PRKG1: variants seen among roughly 807,000 people sequenced by gnomAD.
The protein encoded by PRKG1 is cGMP-dependent protein kinase 1.
PRKG1 carries 35 observed loss-of-function variants against 88.1 expected under a neutral mutation model. The observed-to-expected ratio is 0.40, with a 90% CI of 0.30 to 0.53. The LOEUF (loss-of-function observed/expected upper bound fraction) is 0.53. Ranked by LOEUF, PRKG1 falls within the 20% of genes least tolerant of loss-of-function variation. The probability of loss-of-function intolerance (pLI) is 0.59; values close to 1 mark genes in which losing one functional copy is unlikely to be tolerated. For synonymous variants in PRKG1, 303 were observed against 292.5 expected (o/e 1.04, Z -0.37); for missense variants, 540 against 839.8 (o/e 0.64, Z 4.41).
intron 3 of PRKG1, among the ~76,000 whole-genome samples, chr10:51,768,935 A>G (rs1054911536): frequency 6.6e-6 from 1 of 152,186 alleles, no homozygotes; most frequent in African/African-American, 2.4e-5. Context: ...CATACTTTAA[A>G]TTAATTTTGG....
intron 4 of PRKG1, among the ~76,000 whole-genome samples, chr10:51,836,017 A>G (rs1483417631): frequency 1.3e-5 from 2 of 152,108 alleles, no homozygotes; most frequent in Non-Finnish European, 2.9e-5. Flanking sequence ...AACTGTTGCC[A>G]CTTGTATATT....
chr10:52,102,536 T>C (rs113412705), intron 7 of PRKG1, among the ~76,000 whole-genome samples: 75 of 145,376 alleles, frequency 5.2e-4, no homozygotes, highest in African/African-American at 1.3e-3. Context: ...CATGAATTCA[T>C]AGGATCTGTG....
chr10:51,578,890 T>C (rs959394737), intron 3 of PRKG1, among the ~76,000 whole-genome samples: 1 of 151,728 alleles, frequency 6.6e-6, no homozygotes, highest in African/African-American at 2.4e-5. Flanking sequence ...CATATTTAAA[T>C]CAGTTTTGTG....
chr10:51,756,137 G>A lies in PRKG1; in HGVS notation c.593-48448G>A, dbSNP rs118119261. Among the ~76,000 whole-genome samples the A allele has an allele frequency of 1.2e-4, 18 of 152,162 alleles. No individual in the cohort carries two copies. In the East Asian group the frequency reaches 3.5e-3, roughly 29 times the overall value. On this transcript the variant is annotated intron_variant, in intron 3 of 17. Transcript: ENST00000373980. The stretch of plus-strand genomic sequence containing the variant: ...AAGGAAAGTAGAAAGTATAAAATAG[G>A]GTCTTTATTCTCAGGAACCTTAGAA...
At chr10:51,092,506 GT>G (rs1844422922) in intron 1 of PRKG1, among the ~76,000 whole-genome samples, 1 of 152,184 alleles carries the variant, frequency 6.6e-6, no homozygotes, top group South Asian at 2.1e-4. Context: ...ACTCCACTTT[GT>G]CTCACTAAGG....
chr10:51,999,526 T>G (rs1022096258), intron 5 of PRKG1, among the ~76,000 whole-genome samples: 2 of 152,224 alleles, frequency 1.3e-5, no homozygotes, highest in Non-Finnish European at 2.9e-5. Context: ...AACATACCTA[T>G]CTCCGTATCT....
intron 3 of PRKG1, among the ~76,000 whole-genome samples, chr10:51,774,412 T>A (rs1838383498): frequency 6.6e-6 from 1 of 152,106 alleles, no homozygotes; most frequent in Admixed American, 6.6e-5. Flanking sequence ...TAAGCTTTTG[T>A]GAGCAATTAA....
At chr10:51,255,488 T>C (rs1839534085) in intron 2 of PRKG1, among the ~76,000 whole-genome samples, 1 of 152,096 alleles carries the variant, frequency 6.6e-6, no homozygotes. Flanking sequence ...CACATAAGGA[T>C]TTTTGAGGTA....
chr10:51,261,377 G>GA (rs1033220711), intron 2 of PRKG1, among the ~76,000 whole-genome samples: 9 of 152,060 alleles, frequency 5.9e-5, no homozygotes, highest in Admixed American at 2.0e-4. Context: ...TAGTTGCAAG[G>GA]AAAAAAGTAC....
intron 4 of PRKG1, among the ~76,000 whole-genome samples, chr10:51,836,782 A>G (rs1206980821): frequency 6.6e-6 from 1 of 152,228 alleles, no homozygotes; most frequent in Admixed American, 6.5e-5. Flanking sequence ...AGAAAAACAT[A>G]AGTCTTTAAC....
At chr10:51,565,137 AAATT>A (rs1837566484) in intron 3 of PRKG1, among the ~76,000 whole-genome samples, 1 of 152,126 alleles carries the variant, frequency 6.6e-6, no homozygotes, top group Non-Finnish European at 1.5e-5. Flanking sequence ...AATAGATACC[AAATT>A]CTTTGAAACA....
intron 5 of PRKG1, among the ~76,000 whole-genome samples, chr10:52,015,855 A>C (rs1845026559): frequency 6.6e-6 from 1 of 152,220 alleles, no homozygotes; most frequent in Non-Finnish European, 1.5e-5. Context: ...GGCAGGGGCG[A>C]AATGCTGCCA....
intron 2 of PRKG1, among the ~76,000 whole-genome samples, chr10:51,336,211 G>A (rs556905284): frequency 1.3e-5 from 2 of 152,148 alleles, no homozygotes; most frequent in African/African-American, 4.8e-5. Flanking sequence ...AAACTAGCCA[G>A]GCCTGGTGGT....
intron 3 of PRKG1, among the ~76,000 whole-genome samples, chr10:51,676,800 C>T (rs1331898356): frequency 6.6e-6 from 1 of 152,120 alleles, no homozygotes; most frequent in African/African-American, 2.4e-5. Context: ...TCTCATTAAT[C>T]TCAGTTGTCT....
At chr10:51,520,891 A>G (rs897039671) in intron 3 of PRKG1, among the ~76,000 whole-genome samples, 13 of 152,328 alleles carry the variant, frequency 8.5e-5, no homozygotes, top group African/African-American at 3.1e-4. Flanking sequence ...CTTTAGACAT[A>G]TATAAAATTA....
intron 2 of PRKG1, among the ~76,000 whole-genome samples, chr10:51,455,961 G>T (rs540856995): frequency 6.6e-6 from 1 of 152,204 alleles, no homozygotes; most frequent in African/African-American, 2.4e-5. Flanking sequence ...CCCAACTCCT[G>T]GTACCAATTC....
chr10:51,456,234 C>T (rs1001546668), intron 2 of PRKG1, among the ~76,000 whole-genome samples: 10 of 152,122 alleles, frequency 6.6e-5, no homozygotes, highest in East Asian at 3.9e-4. Flanking sequence ...TGGGGGAAAC[C>T]GCCCCCCATG....
intron 2 of PRKG1, among the ~76,000 whole-genome samples, chr10:51,305,322 C>T (rs1182683023): frequency 6.6e-6 from 1 of 152,154 alleles, no homozygotes; most frequent in Non-Finnish European, 1.5e-5. Flanking sequence ...CTGCTTTATA[C>T]ATTTTCAGAA....
At chr10:52,200,774 T>C (rs551688209) in intron 9 of PRKG1, among the ~76,000 whole-genome samples, 4 of 152,330 alleles carry the variant, frequency 2.6e-5, no homozygotes, top group Non-Finnish European at 2.9e-5. Flanking sequence ...TGATATCTCA[T>C]TGTGATTTAG....
Sources: gnomAD v4.1 joint callset for allele counts (sites outside exome capture counted in the v4.1 genomes callset) on GRCh38, gnomAD v4.1.1 for gene constraint, MANE v1.5 for transcripts, NCBI Gene and HGNC (gene_info 2026-07-23, HGNC 2026-07-21) for gene names.